The following PSG6 variants were observed in gnomAD, a reference collection of about 807,000 sequenced individuals.
PSG6 encodes pregnancy specific beta-1-glycoprotein 6.
In PSG6, 51 loss-of-function variants were observed where a neutral mutation model predicts 43.3. That is an observed-to-expected ratio of 1.18 (90% CI 0.94 to 1.49). The LOEUF is 1.49. PSG6 is among the 40% of genes most tolerant of loss of function. The pLI, the probability that PSG6 is intolerant of heterozygous loss-of-function variation, is 0.00. For synonymous variants in PSG6, 292 were observed against 197.6 expected (o/e 1.48, Z -4.01); for missense variants, 770 against 522.2 (o/e 1.47, Z -4.62).
intron 2 of PSG6, 105 bp downstream of exon 2, chr19:42,916,020 A>G: frequency 6.4e-7 from 1 of 1,561,572 alleles, no homozygotes; most frequent in Non-Finnish European, 8.7e-7. Context: ...ATGGGACATA[A>G]TGCAGAGAGT....
rs992322833 is a variant in PSG6, at chr19:42,912,158, A to G, written c.428-1300T>C. Among the ~76,000 whole-genome samples, 4 of 151,720 alleles carry G rather than the reference A, an allele frequency of 2.6e-5. 1 individual carries two copies. The highest frequency in any genetic ancestry group is 4.8e-5 in the African/African-American group (2 of 41,320). On this transcript the variant is annotated intron_variant, in intron 2 of 5. Coordinates refer to ENST00000187910, the MANE Select transcript of PSG6 (RefSeq NM_001031850.4). ...GCGCGAGTGAGCACTTCTTTTTAGC[A>G]TCACATCAGTGGTCAGAAGTGTTGA... is the stretch of plus-strand genomic sequence containing the variant.
At chr19:42,915,092 C>G (rs552968146) in intron 2 of PSG6, among the ~76,000 whole-genome samples, 2 of 151,588 alleles carry the variant, frequency 1.3e-5, no homozygotes, top group East Asian at 3.9e-4. Flanking sequence ...CCAGTAAGCC[C>G]TCACTTCTGG....
At chr19:42,903,088 A>G (rs1395281844) in intron 5 of PSG6, among the ~76,000 whole-genome samples, 1 of 151,604 alleles carries the variant, frequency 6.6e-6, no homozygotes, top group Non-Finnish European at 1.5e-5. Context: ...TCCTGGTGTC[A>G]TATGGCTAGT....
chr19:42,912,650 C>G lies in PSG6; in HGVS notation c.428-1792G>C, dbSNP rs746030007. On this transcript the variant is annotated intron_variant, in intron 2 of 5. Coordinates refer to ENST00000187910, the MANE Select transcript of PSG6 (RefSeq NM_001031850.4). ...CTAATTTCTGTGCAGAGTTACAAAA[C>G]ATGGGGAGGACCCCAAAACAGGTAT... Among the ~76,000 whole-genome samples the G allele has an allele frequency of 6.6e-5, 10 of 151,828 alleles. 1 individual carries two copies. Among genetic ancestry groups the G allele is most frequent in the Non-Finnish European group, 1.0e-4 (7 of 67,954 alleles).
chr19:42,907,830 G>A lies in PSG6; in HGVS notation c.731C>T (p.Thr244Ile), dbSNP rs1241983658. 5.6e-6 allele frequency: 9 copies of A among 1,611,528 alleles called. No individual in the cohort carries two copies. Among genetic ancestry groups the A allele is most frequent in the Admixed American group, 3.3e-5 (2 of 59,856 alleles). Residue 244 changes from threonine (T) to isoleucine (I), a missense_variant, in exon 4 of 6, where the codon ACC (threonine) becomes ATC (isoleucine). Transcript: ENST00000187910. ...CTCCCTGGGGTTTAAGTTGTTGATG[G>A]TGATGTAAGGCATGGGCAGCTTCGC... ...LLPKLPMPYI[T>I]INNLNPREKK...
chr19:42,910,134 T>C (rs926174248), intron 3 of PSG6: 3 of 266,020 alleles, frequency 1.1e-5, no homozygotes, highest in South Asian at 5.0e-5. Flanking sequence ...TGTATGGTAA[T>C]AGGTGTATGA....
intron 2 of PSG6, among the ~76,000 whole-genome samples, chr19:42,914,669 A>G (rs1380636004): frequency 6.6e-6 from 1 of 151,466 alleles, no homozygotes; most frequent in Non-Finnish European, 1.5e-5. Flanking sequence ...AGGTGTGGCT[A>G]GAACCTCCTA....
intron 4 of PSG6, 39 bp from the exon 5 acceptor site, chr19:42,907,215 A>C: frequency 1.3e-6 from 2 of 1,597,422 alleles, no homozygotes; most frequent in East Asian, 2.2e-5. Context: ...GATGTCATCC[A>C]AGGGAAGGGG....
intron 3 of PSG6, chr19:42,909,712 A>G (rs1030831064): frequency 2.6e-5 from 4 of 151,668 alleles, no homozygotes; most frequent in Non-Finnish European, 5.9e-5. Context: ...TTCCTTTCAG[A>G]TTGTTCATTG....
At chr19:42,909,715 G>A (rs532031061) in intron 3 of PSG6, 26 of 151,674 alleles carry the variant, frequency 1.7e-4, no homozygotes, top group African/African-American at 6.0e-4. Flanking sequence ...CTTTCAGATT[G>A]TTCATTGTTA....
In PSG6 at chr19:42,906,159, T is replaced by C. The variant is rs1063059; in HGVS notation, c.1240+763A>G. 2.0e-3 allele frequency among the ~76,000 whole-genome samples: 298 copies of C among 151,762 alleles called. 8 individuals are homozygous for C. The highest frequency in any genetic ancestry group is 6.9e-3 in the African/African-American group (286 of 41,370). On this transcript the variant is annotated intron_variant, in intron 5 of 5. Coordinates refer to ENST00000187910, the MANE Select transcript of PSG6 (RefSeq NM_001031850.4). ...CCAGGGGTGAATCTCCCTATTTCTC[T>C]AGCTCTGCATCAGTCACTGTCCTCC...
At chr19:42,905,874 A>C (rs1282427054) in intron 5 of PSG6, among the ~76,000 whole-genome samples, 1 of 151,658 alleles carries the variant, frequency 6.6e-6, no homozygotes, top group Non-Finnish European at 1.5e-5. Flanking sequence ...ATAGCCAGTT[A>C]CATAGAGACA....
At chr19:42,906,199 G>A (rs553655533) in intron 5 of PSG6, among the ~76,000 whole-genome samples, 1 of 151,496 alleles carries the variant, frequency 6.6e-6, no homozygotes, top group Non-Finnish European at 1.5e-5. Context: ...TGTGTCCCAC[G>A]TGCTGTGCCC....
At chr19:42,903,549 T>A in intron 5 of PSG6, 1 of 1,350,514 alleles carries the variant, frequency 7.4e-7, no homozygotes, top group Non-Finnish European at 9.7e-7. Context: ...AACCATTAAC[T>A]AGATTGGCTA....
chr19:42,911,125 G>A (rs1486594208), intron 2 of PSG6, among the ~76,000 whole-genome samples: 2 of 151,586 alleles, frequency 1.3e-5, no homozygotes, highest in African/African-American at 4.8e-5. Flanking sequence ...AGGACCAGCA[G>A]TCACAGCCCC....
At position 42,917,721 on chromosome 19, in the gene PSG6, C is replaced by G; in HGVS notation, c.64+8G>C. The G allele has an allele frequency of 1.2e-6, 2 of 1,609,504 alleles. No individual in the cohort carries two copies. Among genetic ancestry groups the G allele is most frequent in the Non-Finnish European group, 1.7e-6 (2 of 1,177,428 alleles). ...CTCCTGTCCTCTCCCAGGAAGTCCTCTCCTCACCTGTGAGCAGGAGCCCCT... is the reference window on the plus strand; with the variant it reads ...CTCCTGTCCTCTCCCAGGAAGTCCTGTCCTCACCTGTGAGCAGGAGCCCCT... On this transcript the variant is annotated splice_region_variant and intron_variant, in intron 1 of 5. Coordinates refer to ENST00000187910, the MANE Select transcript of PSG6 (RefSeq NM_001031850.4).
chr19:42,917,186 A>T (rs1015641925), intron 1 of PSG6, among the ~76,000 whole-genome samples: 1 of 151,200 alleles, frequency 6.6e-6, no homozygotes, highest in Non-Finnish European at 1.5e-5. Context: ...ATTTTTCAAA[A>T]TGTGGTGGCC....
intron 1 of PSG6, 21 bp from the exon 2 acceptor site, chr19:42,916,508 C>G: frequency 6.3e-7 from 1 of 1,599,918 alleles, no homozygotes; most frequent in Non-Finnish European, 8.5e-7. Flanking sequence ...GAGACAGCAT[C>G]AGTTAATATT....
Position 42,916,464 on chromosome 19 carries a change from G to C in PSG6, c.88C>G (p.Leu30Val). ...LTASLLNFWN[L>V]PTTAQVIIEA... ...ATTATTACTTGGGCAGTGGTGGGCA[G>C]GTTCCAGAAGTTTAAAAGTGATGCT... Residue 30 changes from leucine to valine, a missense_variant, in exon 2 of 6, where the codon CTG (leucine) becomes GTG (valine). Physicochemically the swap from Leu to Val is conservative, Grantham distance 32 (BLOSUM62 1). Coordinates refer to ENST00000187910, the MANE Select transcript of PSG6 (RefSeq NM_001031850.4). The C allele has an allele frequency of 6.2e-7, 1 of 1,611,300 alleles. No individual in the cohort carries two copies. Among genetic ancestry groups the C allele is most frequent in the Non-Finnish European group, 8.5e-7 (1 of 1,178,738 alleles).
Sources: allele counts gnomAD v4.1 joint callset (sites outside exome capture counted in the v4.1 genomes callset), GRCh38; gene constraint gnomAD v4.1.1; transcripts MANE v1.5; gene names NCBI Gene and HGNC (gene_info 2026-07-23, HGNC 2026-07-21).